Variants in LRRTM4 observed in about 807,000 individuals in gnomAD.
The protein encoded by LRRTM4 is leucine-rich repeat transmembrane neuronal protein 4.
In LRRTM4, 25 loss-of-function variants were observed where a neutral mutation model predicts 47.6. The observed-to-expected ratio is 0.53, with a 90% CI of 0.38 to 0.73. LRRTM4 has a LOEUF of 0.73. Ranked by LOEUF, LRRTM4 falls within the 30% of genes least tolerant of loss-of-function variation. The pLI is 0.00. For missense variants in LRRTM4, 638 were observed against 713.4 expected (o/e 0.89, Z 1.20); for synonymous variants, 311 against 269.5 (o/e 1.15, Z -1.51).
intron 3 of LRRTM4, among the ~76,000 whole-genome samples, chr2:77,286,457 C>A (rs1242157388): frequency 1.3e-5 from 2 of 151,648 alleles, no homozygotes; most frequent in Non-Finnish European, 2.9e-5. Context: ...ATTCATAAAA[C>A]TAGCCTAGCT....
chr2:76,885,199 A>C (rs1360678736), intron 3 of LRRTM4, among the ~76,000 whole-genome samples: 2 of 152,030 alleles, frequency 1.3e-5, no homozygotes, highest in African/African-American at 4.8e-5. Flanking sequence ...TACTCTAATA[A>C]GTACAATTAC....
intron 3 of LRRTM4, among the ~76,000 whole-genome samples, chr2:76,932,924 C>T (rs1304525460): frequency 6.6e-6 from 1 of 151,978 alleles, no homozygotes; most frequent in African/African-American, 2.4e-5. Context: ...ATACACGTGC[C>T]ATGGTGGTTT....
chr2:76,901,158 A>T (rs1673616929), intron 3 of LRRTM4, among the ~76,000 whole-genome samples: 1 of 152,120 alleles, frequency 6.6e-6, no homozygotes, highest in South Asian at 2.1e-4. Flanking sequence ...CATAGGTACT[A>T]AGCCTGGCGT....
intron 3 of LRRTM4, among the ~76,000 whole-genome samples, chr2:76,899,530 G>C (rs1274597605): frequency 6.6e-6 from 1 of 152,116 alleles, no homozygotes; most frequent in Non-Finnish European, 1.5e-5. Context: ...ATGCCTGGGA[G>C]AAGATATCCT....
intron 3 of LRRTM4, among the ~76,000 whole-genome samples, chr2:76,763,176 G>A (rs1673325076): frequency 6.6e-6 from 1 of 152,024 alleles, no homozygotes; most frequent in Non-Finnish European, 1.5e-5. Context: ...CCCTATTCCA[G>A]GAAAAAAAAC....
At chr2:77,131,352 G>A (rs949232919) in intron 3 of LRRTM4, among the ~76,000 whole-genome samples, 1 of 152,096 alleles carries the variant, frequency 6.6e-6, no homozygotes, top group Non-Finnish European at 1.5e-5. Context: ...AGAAATATCA[G>A]CTCTCCTGAA....
intron 3 of LRRTM4, among the ~76,000 whole-genome samples, chr2:76,921,989 G>A (rs1266848616): frequency 6.6e-6 from 1 of 151,936 alleles, no homozygotes; most frequent in Non-Finnish European, 1.5e-5. Context: ...ACAAATTGTG[G>A]AAATAATCTT....
intron 3 of LRRTM4, among the ~76,000 whole-genome samples, chr2:77,314,921 G>A (rs949405935): frequency 3.9e-5 from 6 of 152,094 alleles, no homozygotes; most frequent in African/African-American, 1.4e-4. Context: ...GTAAACACTC[G>A]ATCTCTGCAG....
chr2:76,949,579 C>T (rs892304611), intron 3 of LRRTM4, among the ~76,000 whole-genome samples: 7 of 151,744 alleles, frequency 4.6e-5, no homozygotes, highest in African/African-American at 1.7e-4. Context: ...GAAAAACGTG[C>T]CAAAAATACT....
At chr2:77,273,934 T>G (rs1259461231) in intron 3 of LRRTM4, among the ~76,000 whole-genome samples, 1 of 152,142 alleles carries the variant, frequency 6.6e-6, no homozygotes, top group African/African-American at 2.4e-5. Context: ...CTTATTTCAG[T>G]AGTTAGAAAA....
intron 3 of LRRTM4, among the ~76,000 whole-genome samples, chr2:77,080,164 CA>C (rs1680484562): frequency 6.6e-6 from 1 of 152,164 alleles, no homozygotes; most frequent in South Asian, 2.1e-4. Flanking sequence ...CTATTAGCAG[CA>C]TTTGAAAAAC....
At chr2:77,273,373 A>G (rs1252580525) in intron 3 of LRRTM4, among the ~76,000 whole-genome samples, 1 of 152,130 alleles carries the variant, frequency 6.6e-6, no homozygotes, top group African/African-American at 2.4e-5. Context: ...TTTACCCTGT[A>G]TTCTCTATTA....
intron 3 of LRRTM4, among the ~76,000 whole-genome samples, chr2:77,015,937 C>G (rs11889881): frequency 2.6e-5 from 4 of 151,416 alleles, no homozygotes; most frequent in African/African-American, 9.7e-5. Context: ...GCCAACATAG[C>G]GAAACCCTGT....
intron 3 of LRRTM4, among the ~76,000 whole-genome samples, chr2:77,026,488 ATAAG>A (rs1368484842): frequency 1.3e-5 from 2 of 152,148 alleles, no homozygotes; most frequent in Non-Finnish European, 2.9e-5. Context: ...AATTATCACA[ATAAG>A]TGAGTTTTAT....
At chr2:77,091,163 CCCTGACTATTCCTGGACTA>C (rs1384122318) in intron 3 of LRRTM4, among the ~76,000 whole-genome samples, 2 of 151,860 alleles carry the variant, frequency 1.3e-5, no homozygotes, top group East Asian at 3.9e-4. Flanking sequence ...TTATCTGCTT[CCCTGACTATTCCTGGACTA>C]CAGCTATATC....
At chr2:77,366,799 CATTA>C (rs1403243311) in intron 3 of LRRTM4, among the ~76,000 whole-genome samples, 1 of 151,826 alleles carries the variant, frequency 6.6e-6, no homozygotes, top group Non-Finnish European at 1.5e-5. Flanking sequence ...CATTCGTATG[CATTA>C]ATTAATCTCT....
At chr2:77,194,649 GA>G (rs1012496293) in intron 3 of LRRTM4, among the ~76,000 whole-genome samples, 1 of 151,476 alleles carries the variant, frequency 6.6e-6, no homozygotes, top group Non-Finnish European at 1.5e-5. Context: ...GCCTCCAGAG[GA>G]AAAAAAAGAT....
At chr2:77,167,256 C>T (rs548243649) in intron 3 of LRRTM4, among the ~76,000 whole-genome samples, 17 of 152,246 alleles carry the variant, frequency 1.1e-4, no homozygotes, top group Admixed American at 3.9e-4. Context: ...AATGAGATAC[C>T]ATTTCACATC....
At chr2:76,898,075 G>T (rs1453308514) in intron 3 of LRRTM4, among the ~76,000 whole-genome samples, 1 of 152,088 alleles carries the variant, frequency 6.6e-6, no homozygotes, top group Non-Finnish European at 1.5e-5. Flanking sequence ...AATTGAAGAG[G>T]GTGAGAGCAC....
Sources: allele counts gnomAD v4.1 joint callset (sites outside exome capture counted in the v4.1 genomes callset), GRCh38; gene constraint gnomAD v4.1.1; transcripts MANE v1.5; gene names NCBI Gene and HGNC (gene_info 2026-07-23, HGNC 2026-07-21).